The following SHCBP1L variants were observed in gnomAD, a reference collection of about 807,000 sequenced individuals.
SHCBP1L encodes testicular spindle-associated protein SHCBP1L.
SHCBP1L carries 67 observed loss-of-function variants against 62.5 expected under a neutral mutation model. That is an observed-to-expected ratio of 1.07 (90% CI 0.88 to 1.31). The LOEUF (loss-of-function observed/expected upper bound fraction) is 1.31, where lower values mean the gene tolerates loss of function less well. Ranked by LOEUF, SHCBP1L falls within the 40% of genes most tolerant of loss-of-function variation. SHCBP1L has a pLI of 0.00. For synonymous variants in SHCBP1L, 284 were observed against 289.4 expected, an observed-to-expected ratio of 0.98 and a Z score of 0.19; for missense variants, 823 against 809.8, an observed-to-expected ratio of 1.02 and a Z score of -0.20.
At position 182,925,932 on chromosome 1, in the gene SHCBP1L, A is replaced by G. The variant is rs544605651; in HGVS notation, c.1182+3715T>C. Among the ~76,000 whole-genome samples the G allele has an allele frequency of 3.9e-5, 6 of 152,362 alleles. No homozygotes were observed. In the East Asian group the frequency reaches 1.2e-3, roughly 29 times the overall value. On this transcript the variant is annotated intron_variant, in intron 6 of 9. Transcript: ENST00000367547. ...AATGTGGATGAACCTTATAAACATC[A>G]TGCTAGATGAAAGAAGCCAGACATA...
At chr1:182,949,376 G>A (rs61807506) in intron 2 of SHCBP1L, among the ~76,000 whole-genome samples, 3,314 of 146,940 alleles carry the variant, frequency 0.023, 55 homozygotes, top group Non-Finnish European at 0.036. Flanking sequence ...GCTACTCAAA[G>A]TCTGAAGATG....
At chr1:182,933,290 CT>C (rs1320811837) in intron 5 of SHCBP1L, among the ~76,000 whole-genome samples, 5 of 152,292 alleles carry the variant, frequency 3.3e-5, no homozygotes, top group African/African-American at 1.2e-4. Context: ...ATAGAGATAA[CT>C]TTACTTCTTC....
intron 5 of SHCBP1L, among the ~76,000 whole-genome samples, chr1:182,937,035 C>G (rs1319043052): frequency 6.6e-6 from 1 of 151,954 alleles, no homozygotes; most frequent in East Asian, 1.9e-4. Context: ...GCCTGGGTGA[C>G]AGGGCAAGAC....
intron 6 of SHCBP1L, among the ~76,000 whole-genome samples, chr1:182,922,780 A>G (rs1484897506): frequency 2.0e-5 from 3 of 152,178 alleles, no homozygotes; most frequent in Non-Finnish European, 2.9e-5. Context: ...TTATTCTGCT[A>G]ATCGCTCACA....
At chr1:182,902,272 C>T (rs1216168493) in intron 9 of SHCBP1L, among the ~76,000 whole-genome samples, 1 of 151,902 alleles carries the variant, frequency 6.6e-6, no homozygotes, top group Non-Finnish European at 1.5e-5. Flanking sequence ...AGGATGGTCT[C>T]AATCTCTTGA....
chr1:182,903,527 T>C (rs770777370), intron 8 of SHCBP1L, among the ~76,000 whole-genome samples: 6 of 152,208 alleles, frequency 3.9e-5, no homozygotes, highest in Non-Finnish European at 8.8e-5. Context: ...TTCATTTTAG[T>C]GGAAATTTTA....
intron 6 of SHCBP1L, among the ~76,000 whole-genome samples, chr1:182,928,886 T>A (rs1323075628): frequency 6.6e-6 from 1 of 152,176 alleles, no homozygotes; most frequent in Non-Finnish European, 1.5e-5. Flanking sequence ...GAAAAGTACC[T>A]GTATATATAA....
intron 6 of SHCBP1L, among the ~76,000 whole-genome samples, chr1:182,922,895 A>G (rs533214490): frequency 6.6e-6 from 1 of 152,298 alleles, no homozygotes; most frequent in Non-Finnish European, 1.5e-5. Context: ...AAAAATAACC[A>G]AAATTAGAGT....
chr1:182,904,275 G>C lies in SHCBP1L; in HGVS notation c.1492C>G (p.Leu498Val), dbSNP rs751325803. Residue 498 changes from leucine (L) to valine (V), a missense_variant, in exon 8 of 10, where the codon CTA (leucine) becomes GTA (valine). Leu to Val is a conservative substitution (Grantham distance 32, BLOSUM62 1). Transcript: ENST00000367547. ...IVVVESGHMT[L>V]ENCILKCEGT... ...TCACATTTTAATATGCAGTTTTCTA[G>C]AGTCATGTGACCAGACTCCACCACC... 1 of 1,614,080 alleles carries C rather than the reference G, an allele frequency of 6.2e-7. No individual in the cohort carries two copies. Among genetic ancestry groups the C allele is most frequent in the East Asian group, 2.2e-5 (1 of 44,874 alleles).
Position 182,905,377 on chromosome 1 carries a change from A to G in SHCBP1L, c.1336+119T>C, listed in dbSNP as rs893463974. Reference sequence around the variant, plus strand: ...CTTAATTATAAAATGAACATAAAGGATTTTTGTAAAACATAAATTCTATTG... The same window carrying G: ...CTTAATTATAAAATGAACATAAAGGGTTTTTGTAAAACATAAATTCTATTG... On this transcript the variant is annotated intron_variant, in intron 7 of 9. Coordinates refer to ENST00000367547, the MANE Select transcript of SHCBP1L (RefSeq NM_030933.4). 11 of 1,051,486 alleles carry G rather than the reference A, an allele frequency of 1.0e-5. No individual in the cohort carries two copies. The African/African-American group carries it at 1.3e-4, about 13-fold the overall frequency. The allele number at this position is 1,051,486 out of a possible 1,614,324, so 65.1% of individuals were successfully genotyped here.
At chr1:182,940,656 T>G in intron 2 of SHCBP1L, 113 bp from the exon 3 acceptor site, 1 of 777,156 alleles carries the variant, frequency 1.3e-6, no homozygotes, top group Non-Finnish European at 2.0e-6. Flanking sequence ...AATTTATGAC[T>G]TCTTCAACAA....
chr1:182,952,697 G>T, intron 1 of SHCBP1L, 32 bp downstream of exon 1: 1 of 1,562,180 alleles, frequency 6.4e-7, no homozygotes, highest in South Asian at 1.2e-5. Flanking sequence ...ACGAGCTTCC[G>T]ACCGTAGTCT....
intron 2 of SHCBP1L, chr1:182,942,263 T>C: frequency 7.5e-7 from 1 of 1,341,044 alleles, no homozygotes; most frequent in Non-Finnish European, 1.1e-6. Context: ...CACTTTTTTG[T>C]CTGAAGATTT....
At chr1:182,903,205 C>T in intron 8 of SHCBP1L, 44 bp from the exon 9 acceptor site, 1 of 1,425,628 alleles carries the variant, frequency 7.0e-7, no homozygotes, top group Non-Finnish European at 9.2e-7. Flanking sequence ...AATATATACA[C>T]AAACCTCTCT....
At chr1:182,909,477 G>A (rs897239902) in intron 6 of SHCBP1L, among the ~76,000 whole-genome samples, 3 of 152,252 alleles carry the variant, frequency 2.0e-5, no homozygotes, top group African/African-American at 7.2e-5. Context: ...TAGGCAAAGA[G>A]GTGGTAGAAA....
chr1:182,940,058 A>G (rs141791875), intron 3 of SHCBP1L, among the ~76,000 whole-genome samples: 1 of 152,160 alleles, frequency 6.6e-6, no homozygotes, highest in Non-Finnish European at 1.5e-5. Context: ...AATGTTACTT[A>G]TTTCAAGAAT....
chr1:182,945,360 T>C (rs551913702), intron 2 of SHCBP1L, among the ~76,000 whole-genome samples: 1 of 152,358 alleles, frequency 6.6e-6, no homozygotes, highest in South Asian at 2.1e-4. Flanking sequence ...ATAGATTGTG[T>C]TTGAAATAAA....
intron 5 of SHCBP1L, among the ~76,000 whole-genome samples, chr1:182,931,943 ATTTTTT>A (rs1164377476): frequency 0.043 from 3,002 of 69,526 alleles, 48 homozygotes; most frequent in African/African-American, 0.073. Flanking sequence ...GGAACCACTG[ATTTTTT>A]TTTTTTTTTT....
intron 7 of SHCBP1L, among the ~76,000 whole-genome samples, chr1:182,905,286 T>C (rs937744049): frequency 5.3e-5 from 8 of 152,078 alleles, no homozygotes; most frequent in Non-Finnish European, 1.2e-4. Flanking sequence ...GCAGTAAAGA[T>C]AGATAAGAAA....
Sources: allele counts gnomAD v4.1 joint callset (sites outside exome capture counted in the v4.1 genomes callset), GRCh38; gene constraint gnomAD v4.1.1; transcripts MANE v1.5; gene names NCBI Gene and HGNC (gene_info 2026-07-23, HGNC 2026-07-21).